The following STAG2 variants were observed in gnomAD, a reference collection of about 807,000 sequenced individuals.
STAG2 encodes cohesin subunit SA-2.
A neutral mutation model predicts 108.1 loss-of-function variants in STAG2; 14 were observed. The ratio of observed to expected loss-of-function variants is 0.13; its 90% CI spans 0.09 to 0.20. STAG2 has a LOEUF of 0.20. Among genes scored for constraint, STAG2 ranks in the 10% least tolerant of loss-of-function variants. The pLI is 1.00. For missense variants in STAG2, 440 were observed against 940.9 expected, an observed-to-expected ratio of 0.47 and a Z score of 6.96; for synonymous variants, 307 against 302.7, an observed-to-expected ratio of 1.01 and a Z score of -0.15.
chrX:124,022,370 C>CA (rs5903652), intron 2 of STAG2, among the ~76,000 whole-genome samples, 161 bp from the exon 3 acceptor site: 12 of 78,562 alleles, frequency 1.5e-4, no homozygotes, highest in African/African-American at 5.6e-4. Flanking sequence ...GACTGTGTCT[C>CA]AAAAAAAAAA....
In STAG2 at chrX:124,096,500, T is replaced by C. The variant is rs555883942; in HGVS notation, c.3783+1051T>C. On this transcript the variant is annotated intron_variant, in intron 34 of 34. Transcript: ENST00000371145. ...ATTTTTTTTTCTCTCCTTCTTTAAC[T>C]GTTTGTACACACTTTATTGTAATAA... 7.2e-4 allele frequency among the ~76,000 whole-genome samples: 80 copies of C among 111,637 alleles called. No homozygotes were observed. In the South Asian group the frequency reaches 0.03, roughly 42 times the overall value.
At position 124,100,577 on chromosome X, in the gene STAG2, C is replaced by A. The variant is rs1304348952; in HGVS notation, c.3787C>A (p.Leu1263Ile). The A allele has an allele frequency of 1.7e-6, 2 of 1,195,899 alleles. No individual in the cohort carries two copies. Among genetic ancestry groups the A allele is most frequent in the Non-Finnish European group, 2.3e-6 (2 of 884,482 alleles). The change falls in exon 35 of 35, where the codon CTT (leucine) becomes ATT (isoleucine). Residue 1263 changes from leucine (L) to isoleucine (I), a missense_variant. Around this residue, in one of 3 missense-constraint regions of STAG2, gnomAD observed 337 missense variants for 649.3 expected, o/e 0.52. Coordinates refer to ENST00000371145, the MANE Select transcript of STAG2 (RefSeq NM_001042750.2). Reference protein sequence around the residue: ...DPASIMDESVLGVSMF With the variant: ...DPASIMDESVIGVSMF ...TCCCCTCTCTCTCTCTCATTAGGTT[C>A]TTGGAGTGTCAATGTTTTAATACCA... is the stretch of plus-strand genomic sequence containing the variant.
intron 1 of STAG2, chrX:124,003,890 A>G (rs1261415687): frequency 1.8e-5 from 2 of 111,727 alleles, no homozygotes; most frequent in African/African-American, 3.3e-5. Flanking sequence ...AATATATTTT[A>G]ATACACTATA....
chrX:123,975,345 T>C (rs2054569165), intron 1 of STAG2, among the ~76,000 whole-genome samples: 1 of 112,332 alleles, frequency 8.9e-6, no homozygotes, highest in Non-Finnish European at 1.9e-5. Flanking sequence ...CAGACTTTAC[T>C]CCTGGCAGGA....
At chrX:123,995,265 A>G (rs1281326877) in intron 1 of STAG2, among the ~76,000 whole-genome samples, 1 of 112,071 alleles carries the variant, frequency 8.9e-6, no homozygotes, top group African/African-American at 3.2e-5. Context: ...AGTCACGACT[A>G]GGGAGATATG....
Position 124,066,389 on chromosome X carries a change from G to A in STAG2, c.2218G>A (p.Val740Ile), listed in dbSNP as rs1311707382. The A allele has an allele frequency of 4.1e-6, 5 of 1,208,868 alleles. No individual in the cohort carries two copies. The highest frequency in any genetic ancestry group is 5.6e-6 in the Non-Finnish European group (5 of 893,675). Reference sequence around the variant, plus strand: ...TCACGCACTGCAGTGTACTCACTATGTAATCCTTTGGCAACTTGCTAAGAT... The same window carrying A: ...TCACGCACTGCAGTGTACTCACTATATAATCCTTTGGCAACTTGCTAAGAT... ...VIHALQCTHY[V>I]ILWQLAKITE... The change falls in exon 23 of 35, where the codon GTA becomes ATA. Residue 740 changes from valine to isoleucine, a missense_variant. By Grantham distance (29) the Val-to-Ile change is conservative (BLOSUM62 3). Around this residue, in one of 3 missense-constraint regions of STAG2, gnomAD observed 337 missense variants for 649.3 expected, o/e 0.52. Coordinates refer to ENST00000371145, the MANE Select transcript of STAG2 (RefSeq NM_001042750.2).
Position 124,021,383 on chromosome X carries a change from A to G in STAG2, c.-146A>G, listed in dbSNP as rs1362371701. ...TTTCTTTAGGTGGCCACCGAGTACT[A>G]AATTCACTTGGGAATAAAAGAAAAA... is the stretch of plus-strand genomic sequence containing the variant. On this transcript the variant is annotated 5_prime_UTR_variant, in exon 2 of 35. Coordinates refer to ENST00000371145, the MANE Select transcript of STAG2 (RefSeq NM_001042750.2). 9.0e-6 allele frequency: 1 copy of G among 111,670 alleles called. No individual in the cohort carries two copies. The highest frequency in any genetic ancestry group is 3.3e-5 in the African/African-American group (1 of 30,744). 9.2% of individuals were successfully genotyped at this position (111,670 alleles called of 1,213,427 possible). A position where few individuals can be genotyped will look rare whatever the true frequency, so the allele number is the denominator to read the frequency against.
chrX:124,028,686 A>G (rs377283221), intron 4 of STAG2, among the ~76,000 whole-genome samples: 6 of 108,574 alleles, frequency 5.5e-5, no homozygotes, highest in South Asian at 4.0e-4. Flanking sequence ...AATAAAGTAC[A>G]TAAATACCAC....
At chrX:123,989,467 T>C (rs1285191229) in intron 1 of STAG2, among the ~76,000 whole-genome samples, 1 of 111,625 alleles carries the variant, frequency 9.0e-6, no homozygotes, top group East Asian at 2.8e-4. Context: ...GCATATACAT[T>C]GTATTTATAA....
intron 29 of STAG2, among the ~76,000 whole-genome samples, chrX:124,086,183 G>A (rs1485048414): frequency 9.0e-6 from 1 of 110,896 alleles, no homozygotes; most frequent in African/African-American, 3.3e-5. Flanking sequence ...GCACATAGTC[G>A]TCACATGAAC....
chrX:124,078,089 C>A, intron 27 of STAG2, 31 bp downstream of exon 27: 1 of 1,010,320 alleles, frequency 9.9e-7, no homozygotes, highest in Non-Finnish European at 1.4e-6. Flanking sequence ...CTTTAGCTAA[C>A]ACAATTAACA....
chrX:124,049,795 C>T (rs897249818), intron 10 of STAG2, among the ~76,000 whole-genome samples: 2 of 111,909 alleles, frequency 1.8e-5, no homozygotes, highest in African/African-American at 6.5e-5. Flanking sequence ...TTCTAACATT[C>T]AAATCCCAGT....
chrX:124,002,812 CTT>C (rs111999061), intron 1 of STAG2, among the ~76,000 whole-genome samples: 4 of 92,899 alleles, frequency 4.3e-5, no homozygotes, highest in Admixed American at 1.2e-4. Flanking sequence ...TTCTTTCTTT[CTT>C]TTTTTTTTTT....
At chrX:123,972,176 G>A (rs193000722) in intron 1 of STAG2, among the ~76,000 whole-genome samples, 1 of 104,825 alleles carries the variant, frequency 9.5e-6, no homozygotes, top group Non-Finnish European at 2.0e-5. Flanking sequence ...TTCCAGTTTT[G>A]TTTTCATACT....
At chrX:124,065,083 G>A (rs1031293388) in intron 20 of STAG2, among the ~76,000 whole-genome samples, 4 of 110,779 alleles carry the variant, frequency 3.6e-5, no homozygotes, top group African/African-American at 1.3e-4. Context: ...TTGTTATTCC[G>A]GGCTTATTAA....
chrX:124,008,543 T>C (rs2056389616), intron 1 of STAG2, among the ~76,000 whole-genome samples: 1 of 110,613 alleles, frequency 9.0e-6, no homozygotes, highest in Non-Finnish European at 1.9e-5. Context: ...ACAGTCTCGC[T>C]GTGTTGCCCA....
intron 20 of STAG2, 32 bp downstream of exon 20, chrX:124,064,083 C>T: frequency 9.3e-7 from 1 of 1,070,516 alleles, no homozygotes; most frequent in South Asian, 2.1e-5. Flanking sequence ...AGTATTTTGT[C>T]AGTTGAGCCC....
At chrX:124,011,112 T>C (rs1020148600) in intron 1 of STAG2, among the ~76,000 whole-genome samples, 3 of 111,534 alleles carry the variant, frequency 2.7e-5, no homozygotes, top group Non-Finnish European at 5.6e-5. Flanking sequence ...CGTGCTTGGT[T>C]AGGTTTAGTA....
At chrX:124,034,899 A>ATTC (rs1172558892) in intron 5 of STAG2, among the ~76,000 whole-genome samples, 5 of 106,825 alleles carry the variant, frequency 4.7e-5, no homozygotes, top group African/African-American at 1.7e-4. Context: ...TATTATTATT[A>ATTC]TTATTATCAT....
Sources: allele counts gnomAD v4.1 joint callset (sites outside exome capture counted in the v4.1 genomes callset), GRCh38; gene constraint gnomAD v4.1.1; regional missense constraint gnomAD v4.1.1; transcripts MANE v1.5; gene names NCBI Gene and HGNC (gene_info 2026-07-23, HGNC 2026-07-21).